Variants in CCL24 observed in about 807,000 individuals in gnomAD.
CCL24 encodes C-C motif chemokine 24.
CCL24 carries 6 observed loss-of-function variants against 8.6 expected under a neutral mutation model. The observed-to-expected ratio is 0.70, with a 90% CI of 0.38 to 1.38. The LOEUF (loss-of-function observed/expected upper bound fraction) is 1.38, where lower values mean the gene tolerates loss of function less well. Among genes scored for constraint, CCL24 ranks in the 40% most tolerant of loss-of-function variants. The pLI is 0.02. For missense variants in CCL24, 126 were observed against 147.1 expected (o/e 0.86, Z 0.74); for synonymous variants, 59 against 52.7 (o/e 1.12, Z -0.52).
In CCL24 at chr7:75,813,389, G is replaced by A. The variant is rs1585027879; in HGVS notation, c.108C>T (p.Phe36=). 6.2e-6 allele frequency: 10 copies of A among 1,613,646 alleles called. No homozygotes were observed. The highest frequency in any genetic ancestry group is 4.0e-5 in the African/African-American group (3 of 75,038). Residue 36 remains phenylalanine (F), a synonymous_variant, in exon 2 of 3, where the codon TTC becomes TTT. Coordinates refer to ENST00000222902, the MANE Select transcript of CCL24 (RefSeq NM_002991.3). ...TCTCAGGAATTCTCTTGGAAACAAA[G>A]AACATGCAGCAGGGAGAGGGGATGA... ...SVVIPSPCCM[F]FVSKRIPENR...
In CCL24 at chr7:75,810,941, T is replaced by G. The variant is rs1318798836; in HGVS notation, c.*855A>C. On this transcript the variant is annotated 3_prime_UTR_variant, in exon 3 of 3. Coordinates refer to ENST00000222902, the MANE Select transcript of CCL24 (RefSeq NM_002991.3). ...TGCATAGAAAAAAAAAGCTAGAGTC[T>G]TTTCTCCCCCTAATCCCCCCACCCT... Among the ~76,000 whole-genome samples the G allele has an allele frequency of 4.6e-5, 7 of 151,688 alleles. No individual in the cohort carries two copies. Among genetic ancestry groups the G allele is most frequent in the Non-Finnish European group, 8.8e-5 (6 of 67,932 alleles).
intron 2 of CCL24, 64 bp from the exon 3 acceptor site, chr7:75,812,028 T>C: frequency 7.1e-7 from 1 of 1,414,158 alleles, no homozygotes; most frequent in Non-Finnish European, 9.7e-7. Context: ...CTCCACTTCA[T>C]GGCGGGGGGG....
chr7:75,813,317 C>T lies in CCL24; in HGVS notation c.180G>A (p.Lys60=), dbSNP rs782625780. Residue 60 remains lysine (K), a synonymous_variant, in exon 2 of 3, where the codon AAG becomes AAA. Transcript: ENST00000222902. The part of the protein sequence containing the change: ...YQLSSRSTCL[K]AGVIFTTKKG... ...TGAAGGATACCTACATCACTCCTGC[C>T]TTGAGGCATGTGCTCCTGCTGGACA... is the stretch of plus-strand genomic sequence containing the variant. The T allele has an allele frequency of 6.2e-7, 1 of 1,605,796 alleles. No individual in the cohort carries two copies. Among genetic ancestry groups the T allele is most frequent in the South Asian group, 1.1e-5 (1 of 90,882 alleles).
chr7:75,817,063 C>T (rs1442745951), upstream of CCL24, among the ~76,000 whole-genome samples: 1 of 151,608 alleles, frequency 6.6e-6, no homozygotes, highest in East Asian at 1.9e-4. Context: ...ATGGGGTACC[C>T]CTATGTTGCC....
At position 75,813,697 on chromosome 7, in the gene CCL24, T is replaced by C. The variant is rs782141375; in HGVS notation, c.19A>G (p.Ile7Val). ...CCAAGGAACAGAAGGCTGGTTACTA[T>C]GGTCATCAGGCCTGCCATGTCTCAG... Reference protein sequence around the residue: MAGLMTIVTSLLFLGVC... With the variant: MAGLMTVVTSLLFLGVC... Residue 7 changes from isoleucine (I) to valine (V), a missense_variant, in exon 1 of 3, where the codon ATA becomes GTA. Transcript: ENST00000222902. The C allele has an allele frequency of 2.5e-6, 4 of 1,613,876 alleles. No individual in the cohort carries two copies. The South Asian group carries it at 3.3e-5, about 13-fold the overall frequency.
At chr7:75,815,361 G>A (rs1289630526), upstream of CCL24, among the ~76,000 whole-genome samples, 1 of 151,182 alleles carries the variant, frequency 6.6e-6, no homozygotes. Context: ...AAAAAGAAAG[G>A]CTGGGTGAGG....
chr7:75,820,137 C>A (rs1467356466), intron 1 of CCL24, among the ~76,000 whole-genome samples: 1 of 98,786 alleles, frequency 1.0e-5, no homozygotes, highest in Non-Finnish European at 2.3e-5. Context: ...TCTTCTCCTC[C>A]TCCTCCTCCT....
chr7:75,815,200 A>G (rs1803863885), upstream of CCL24, among the ~76,000 whole-genome samples: 1 of 151,932 alleles, frequency 6.6e-6, no homozygotes. Context: ...TTAGCCAGGC[A>G]CGGTGGTATG....
chr7:75,814,293 C>T (rs553901278), upstream of CCL24, among the ~76,000 whole-genome samples: 1 of 152,186 alleles, frequency 6.6e-6, no homozygotes, highest in South Asian at 2.1e-4. Context: ...CAGCTGGGCA[C>T]GGGGGCTCAT....
At chr7:75,816,816 C>T (rs1351667800), upstream of CCL24, among the ~76,000 whole-genome samples, 2 of 149,490 alleles carry the variant, frequency 1.3e-5, no homozygotes, top group Admixed American at 6.8e-5. Context: ...CCCACCTCGG[C>T]CCCCCAACGT....
intron 1 of CCL24, among the ~76,000 whole-genome samples, chr7:75,821,997 G>T (rs1190706369): frequency 1.3e-5 from 2 of 152,016 alleles, no homozygotes; most frequent in Non-Finnish European, 2.9e-5. Flanking sequence ...AGCTACTCCG[G>T]AGGCTGAGGC....
chr7:75,814,221 T>G (rs1803837372), upstream of CCL24, among the ~76,000 whole-genome samples: 1 of 152,132 alleles, frequency 6.6e-6, no homozygotes, highest in Non-Finnish European at 1.5e-5. Flanking sequence ...TGCCAGGCAC[T>G]GGGAGGACTC....
upstream of CCL24, among the ~76,000 whole-genome samples, chr7:75,816,861 CAA>C (rs57957590): frequency 0.27 from 26,157 of 98,078 alleles, 2,802 homozygotes; most frequent in East Asian, 0.35. Flanking sequence ...TGCACCTGGC[CAA>C]AAAAAAAAAA....
chr7:75,817,357 G>C (rs1225102145), upstream of CCL24, among the ~76,000 whole-genome samples: 2 of 152,038 alleles, frequency 1.3e-5, no homozygotes, highest in African/African-American at 4.8e-5. Flanking sequence ...GGGGTAAATA[G>C]GGCGGGGATG....
At chr7:75,818,827 C>T (rs964827429) in intron 1 of CCL24, among the ~76,000 whole-genome samples, 3 of 151,992 alleles carry the variant, frequency 2.0e-5, no homozygotes, top group East Asian at 1.9e-4. Context: ...TTGGCCAGAG[C>T]GGCCTCTCCC....
Position 75,813,649 on chromosome 7 carries a change from G to A in CCL24, c.67C>T (p.Pro23Ser), listed in dbSNP as rs1442960872. The change falls in exon 1 of 3, where the codon CCT (proline) becomes TCT (serine). Residue 23 changes from proline to serine, a missense_variant. Coordinates refer to ENST00000222902, the MANE Select transcript of CCL24 (RefSeq NM_002991.3). Reference sequence around the variant, plus strand: ...ATCCTGTCGGAGGTCTTACCCGTAGGGATGATGTGGTGGGCACAGACACCA... The same window carrying A: ...ATCCTGTCGGAGGTCTTACCCGTAGAGATGATGTGGTGGGCACAGACACCA... ...FLGVCAHHII[P>S]TGSVVIPSPC... 6.2e-7 allele frequency: 1 copy of A among 1,613,300 alleles called. No homozygotes were observed. The highest frequency in any genetic ancestry group is 8.5e-7 in the Non-Finnish European group (1 of 1,179,230).
At chr7:75,813,253 A>G in intron 2 of CCL24, 53 bp downstream of exon 2, 2 of 1,073,264 alleles carry the variant, frequency 1.9e-6, no homozygotes, top group Non-Finnish European at 2.9e-6. Flanking sequence ...GGGACCCTGG[A>G]GTTGCACCTG....
chr7:75,823,120 G>A (rs534949805), intron 1 of CCL24, among the ~76,000 whole-genome samples: 55 of 152,284 alleles, frequency 3.6e-4, no homozygotes, highest in African/African-American at 1.3e-3. Context: ...CCTAAAGGAA[G>A]CGGGTAGACA....
At chr7:75,817,506 ATTT>A, upstream of CCL24, among the ~76,000 whole-genome samples, 1 of 143,668 alleles carries the variant, frequency 7.0e-6, no homozygotes, top group Admixed American at 7.0e-5. Context: ...AAAATATCCA[ATTT>A]TTTTTTTTTT....
Sources: gnomAD v4.1 joint callset for allele counts (sites outside exome capture counted in the v4.1 genomes callset) on GRCh38, gnomAD v4.1.1 for gene constraint, MANE v1.5 for transcripts, NCBI Gene and HGNC (gene_info 2026-07-23, HGNC 2026-07-21) for gene names.